Variants in RCL1 observed in about 807,000 individuals in gnomAD.
RCL1 encodes the protein RNA 3'-terminal phosphate cyclase-like protein.
In RCL1, 24 loss-of-function variants were observed where a neutral mutation model predicts 42.4. The ratio of observed to expected loss-of-function variants is 0.57; its 90% CI spans 0.41 to 0.80. The LOEUF is 0.80. RCL1 is among the 30% of genes least tolerant of loss of function. The pLI, the probability that RCL1 is intolerant of heterozygous loss-of-function variation, is 0.00. For synonymous variants in RCL1, 228 were observed against 177.3 expected (o/e 1.29, Z -2.27); for missense variants, 578 against 467.9 (o/e 1.24, Z -2.17).
chr9:4,860,266 C>T lies in RCL1; in HGVS notation c.1113C>T (p.Thr371=), dbSNP rs1818125385. The T allele has an allele frequency of 1.2e-6, 2 of 1,612,504 alleles. No homozygotes were observed. Among genetic ancestry groups the T allele is most frequent in the African/African-American group, 2.7e-5 (2 of 74,796 alleles). Residue 371 remains threonine, a synonymous_variant, in exon 9 of 9, where the codon ACC becomes ACT. Coordinates refer to ENST00000381750, the MANE Select transcript of RCL1 (RefSeq NM_005772.5). ...VGIGFSNLSK[T]LK ...TTGGTTTCTCCAACCTTAGCAAGAC[C>T]CTCAAGTGATAACCATCACAAGATA...
chr9:4,826,712 G>A (rs747212628), intron 2 of RCL1, 146 bp from the exon 3 acceptor site: 78 of 683,266 alleles, frequency 1.1e-4, no homozygotes, highest in Middle Eastern at 2.8e-4. Context: ...CTTTTGGAGC[G>A]AAGTGTGGGC....
At chr9:4,835,929 A>G (rs1284358287) in intron 5 of RCL1, among the ~76,000 whole-genome samples, 1 of 152,204 alleles carries the variant, frequency 6.6e-6, no homozygotes, top group Admixed American at 6.5e-5. Flanking sequence ...TCAAGGCCAC[A>G]GGCATACGGT....
chr9:4,859,411 A>G (rs188470043), intron 8 of RCL1, among the ~76,000 whole-genome samples: 91 of 152,324 alleles, frequency 6.0e-4, no homozygotes, highest in African/African-American at 2.1e-3. Flanking sequence ...GTCTCTATCT[A>G]TACCACTAGA....
At chr9:4,858,960 G>A (rs1231523484) in intron 8 of RCL1, among the ~76,000 whole-genome samples, 7 of 152,218 alleles carry the variant, frequency 4.6e-5, no homozygotes, top group African/African-American at 1.4e-4. Context: ...ACAGGGCCTG[G>A]TGGAGGGTAG....
At chr9:4,829,822 T>G (rs921376720) in intron 3 of RCL1, among the ~76,000 whole-genome samples, 2 of 152,186 alleles carry the variant, frequency 1.3e-5, no homozygotes, top group Admixed American at 6.5e-5. Context: ...GAATGGTGGT[T>G]CCTCCATGAC....
rs868048040 is a variant in RCL1, at chr9:4,806,042, G to T, written c.136+12815G>T. ...GGTGTGTGTGTGTGTGTGTGTGTGT[G>T]TGTTTGTGTGTGTGTGTGTGTTTGT... On this transcript the variant is annotated intron_variant, in intron 1 of 8. Coordinates refer to ENST00000381750, the MANE Select transcript of RCL1 (RefSeq NM_005772.5). Among the ~76,000 whole-genome samples the T allele has an allele frequency of 9.6e-4, 95 of 99,404 alleles. 1 individual carries two copies. Among genetic ancestry groups the T allele is most frequent in the African/African-American group, 2.9e-3 (89 of 30,936 alleles). 65.2% of individuals were successfully genotyped at this position (99,404 alleles called of 152,430 possible). A position where few individuals can be genotyped will look rare whatever the true frequency, so the allele number is the denominator to read the frequency against.
rs151141570 is a variant in RCL1, at chr9:4,844,089, G to A, written c.711-436G>A. 3.3e-5 allele frequency among the ~76,000 whole-genome samples: 5 copies of A among 152,122 alleles called. No individual in the cohort carries two copies. The East Asian group carries it at 5.8e-4, about 18-fold the overall frequency. ...TATAGTGAGCTCATATAGTGCATTC[G>A]AAACATTAATTTTATACATAGTTTT... On this transcript the variant is annotated intron_variant, in intron 6 of 8. Coordinates refer to ENST00000381750, the MANE Select transcript of RCL1 (RefSeq NM_005772.5).
chr9:4,821,450 G>A (rs886676419), intron 1 of RCL1, among the ~76,000 whole-genome samples: 3 of 152,092 alleles, frequency 2.0e-5, no homozygotes, highest in Non-Finnish European at 4.4e-5. Context: ...AATCCATTTC[G>A]TTTTGCTATA....
chr9:4,852,566 TAGCATCTTGG>T (rs1483842302), intron 8 of RCL1, among the ~76,000 whole-genome samples: 1 of 152,158 alleles, frequency 6.6e-6, no homozygotes, highest in East Asian at 1.9e-4. Flanking sequence ...AAATGGTATT[TAGCATCTTGG>T]AGCCTTGGTG....
intron 1 of RCL1, among the ~76,000 whole-genome samples, chr9:4,805,319 T>A (rs1449547812): frequency 2.6e-5 from 4 of 151,652 alleles, no homozygotes; most frequent in Non-Finnish European, 5.9e-5. Context: ...AGCCTAGGAG[T>A]TCCAGGTTAC....
At position 4,793,199 on chromosome 9, in the gene RCL1, G is replaced by T; in HGVS notation, c.108G>T (p.Arg36=). Residue 36 remains arginine (R), a synonymous_variant, in exon 1 of 9, where the codon CGG becomes CGT. Coordinates refer to ENST00000381750, the MANE Select transcript of RCL1 (RefSeq NM_005772.5). The part of the protein sequence containing the change: ...SGRPVKIRKI[R]ARDDNPGLRD... The stretch of plus-strand genomic sequence containing the variant: ...GCCCCGTCAAAATCCGAAAGATTCG[G>T]GCCAGAGACGACAACCCGGGCCTCC... The T allele has an allele frequency of 2.5e-6, 4 of 1,606,960 alleles. No homozygotes were observed. The highest frequency in any genetic ancestry group is 3.4e-6 in the Non-Finnish European group (4 of 1,176,816).
chr9:4,796,374 C>T (rs1270225185), intron 1 of RCL1, among the ~76,000 whole-genome samples: 1 of 152,166 alleles, frequency 6.6e-6, no homozygotes, highest in Admixed American at 6.5e-5. Context: ...AGGATAATGG[C>T]CTCTAGCTCC....
At chr9:4,835,799 C>T (rs985354145) in intron 5 of RCL1, among the ~76,000 whole-genome samples, 3 of 152,176 alleles carry the variant, frequency 2.0e-5, no homozygotes, top group Non-Finnish European at 2.9e-5. Flanking sequence ...AACTGCTGTG[C>T]GAGACTGTCA....
intron 1 of RCL1, 80 bp downstream of exon 1, chr9:4,793,307 T>G: frequency 6.9e-7 from 1 of 1,455,554 alleles, no homozygotes; most frequent in Middle Eastern, 1.9e-4. Flanking sequence ...GCCCGCGCGG[T>G]GTTGGTTGGG....
chr9:4,844,646 A>T lies in RCL1; in HGVS notation c.832A>T (p.Asn278Tyr). 6.2e-7 allele frequency: 1 copy of T among 1,613,776 alleles called. No individual in the cohort carries two copies. The highest frequency in any genetic ancestry group is 8.5e-7 in the Non-Finnish European group (1 of 1,179,912). Residue 278 changes from asparagine (N) to tyrosine (Y), a missense_variant, in exon 7 of 9, where the codon AAC becomes TAC. Physicochemically the swap from Asn to Tyr is moderately radical, Grantham distance 143 (BLOSUM62 -2). Transcript: ENST00000381750. ...AGTACTTCCAGAGGACCTTGGCAGG[A>T]ACTGTGCCCGGCTGCTGCTGGAGGA... The part of the protein sequence containing the change: ...AAVLPEDLGR[N>Y]CARLLLEEIY...
intron 1 of RCL1, among the ~76,000 whole-genome samples, chr9:4,808,707 A>C (rs1008809291): frequency 2.0e-5 from 3 of 152,186 alleles, no homozygotes; most frequent in Non-Finnish European, 4.4e-5. Context: ...GTTCAGGTAT[A>C]AAAAACTTGA....
Position 4,849,452 on chromosome 9 carries a change from A to G in RCL1, c.873A>G (p.Gly291=), listed in dbSNP as rs1016203157. Residue 291 remains glycine (G), a synonymous_variant, in exon 8 of 9, where the codon GGA becomes GGG. Coordinates refer to ENST00000381750, the MANE Select transcript of RCL1 (RefSeq NM_005772.5). The part of the protein sequence containing the change: ...RLLLEEIYRG[G]CVDSTNQSLA... ...TTATTAATTTGTGTTTACAGGGTGG[A>G]TGCGTAGACTCGACCAACCAAAGCC... The G allele has an allele frequency of 2.5e-6, 4 of 1,612,124 alleles. No individual in the cohort carries two copies. The highest frequency in any genetic ancestry group is 1.6e-4 in the Middle Eastern group (1 of 6,082).
chr9:4,857,288 G>A (rs1180064611), intron 8 of RCL1, among the ~76,000 whole-genome samples: 4 of 152,086 alleles, frequency 2.6e-5, no homozygotes, highest in African/African-American at 7.2e-5. Flanking sequence ...AGGCAACCAC[G>A]AATCTCCTTT....
At chr9:4,838,359 C>T (rs1390637394) in intron 5 of RCL1, among the ~76,000 whole-genome samples, 3 of 152,310 alleles carry the variant, frequency 2.0e-5, no homozygotes, top group East Asian at 3.9e-4. Flanking sequence ...TACTTAATGC[C>T]ACCCACTCTT....
Sources: gnomAD v4.1 joint callset for allele counts (sites outside exome capture counted in the v4.1 genomes callset) on GRCh38, gnomAD v4.1.1 for gene constraint, MANE v1.5 for transcripts, NCBI Gene and HGNC (gene_info 2026-07-23, HGNC 2026-07-21) for gene names.